ADAM12: variants seen among roughly 807,000 people sequenced by gnomAD.
ADAM12 encodes ADAM metallopeptidase domain 12.
Under a neutral mutation model 106.4 loss-of-function variants are expected in ADAM12, and 70 were observed. The ratio of observed to expected loss-of-function variants is 0.66; its 90% CI spans 0.54 to 0.80. ADAM12 has a LOEUF of 0.80. ADAM12 is among the 30% of genes least tolerant of loss of function. The pLI is 0.00. For missense variants in ADAM12, 1,010 were observed against 1,171.9 expected (o/e 0.86, Z 2.02); for synonymous variants, 420 against 433.5 (o/e 0.97, Z 0.39).
At chr10:126,333,625 G>A (rs1356838184) in intron 1 of ADAM12, among the ~76,000 whole-genome samples, 1 of 152,192 alleles carries the variant, frequency 6.6e-6, no homozygotes, top group Non-Finnish European at 1.5e-5. Context: ...TAATCAGGGT[G>A]AGGCTACAGA....
chr10:126,084,471 G>T (rs530734187), intron 11 of ADAM12, among the ~76,000 whole-genome samples: 1 of 152,286 alleles, frequency 6.6e-6, no homozygotes, highest in South Asian at 2.1e-4. Flanking sequence ...AGATGCAGTG[G>T]TTAATAATGG....
chr10:126,376,040 G>T (rs1164962338), intron 1 of ADAM12, among the ~76,000 whole-genome samples: 1 of 151,360 alleles, frequency 6.6e-6, no homozygotes, highest in Non-Finnish European at 1.5e-5. Context: ...GAGTCACTGG[G>T]CCTGGCTAAT....
chr10:126,117,950 G>T, intron 6 of ADAM12, 88 bp downstream of exon 6: 1 of 1,447,274 alleles, frequency 6.9e-7, no homozygotes, highest in Non-Finnish European at 9.6e-7. Flanking sequence ...CATCTAGATG[G>T]CAACATTTCT....
intron 3 of ADAM12, among the ~76,000 whole-genome samples, chr10:126,174,007 GA>G (rs1957170313): frequency 9.9e-6 from 1 of 100,542 alleles, no homozygotes. Flanking sequence ...ATCTGTTGTT[GA>G]TTTTTTTTTT....
chr10:126,249,134 T>C (rs894760348), intron 3 of ADAM12, among the ~76,000 whole-genome samples: 8 of 152,196 alleles, frequency 5.3e-5, no homozygotes, highest in African/African-American at 1.9e-4. Flanking sequence ...ACAGCTTATG[T>C]TTCTCCTAAG....
chr10:126,083,907 C>A (rs1955284992), intron 11 of ADAM12, among the ~76,000 whole-genome samples: 1 of 152,198 alleles, frequency 6.6e-6, no homozygotes, highest in Admixed American at 6.5e-5. Flanking sequence ...CACGTCCACT[C>A]CAGAAACAGA....
chr10:126,340,365 A>C (rs942693152), intron 1 of ADAM12, among the ~76,000 whole-genome samples: 2 of 152,226 alleles, frequency 1.3e-5, no homozygotes, highest in African/African-American at 4.8e-5. Flanking sequence ...CCCCATTCTA[A>C]TCTTTTATAA....
intron 1 of ADAM12, among the ~76,000 whole-genome samples, chr10:126,368,802 G>A (rs1481160359): frequency 6.8e-6 from 1 of 146,276 alleles, no homozygotes; most frequent in African/African-American, 2.5e-5. Flanking sequence ...AGGAAAAAAA[G>A]TAAACATATA....
intron 3 of ADAM12, among the ~76,000 whole-genome samples, chr10:126,206,854 T>TGAG (rs61139077): frequency 1.2e-5 from 1 of 81,828 alleles, no homozygotes; most frequent in Non-Finnish European, 2.6e-5. Flanking sequence ...CCATGTGTTG[T>TGAG]GGGGGCGGGG....
chr10:126,310,084 A>G (rs1961015761), intron 2 of ADAM12, among the ~76,000 whole-genome samples: 1 of 151,388 alleles, frequency 6.6e-6, no homozygotes. Flanking sequence ...GCTTGAACCC[A>G]GGAGGCGGAG....
At chr10:126,220,178 GA>G (rs1364680598) in intron 3 of ADAM12, among the ~76,000 whole-genome samples, 1 of 152,228 alleles carries the variant, frequency 6.6e-6, no homozygotes, top group East Asian at 1.9e-4. Flanking sequence ...GTGGCAATGT[GA>G]AACGTGACTA....
At position 126,098,372 on chromosome 10, in the gene ADAM12, G is replaced by A. The variant is rs758575204; in HGVS notation, c.996+44C>T. 2.0e-6 allele frequency: 3 copies of A among 1,503,160 alleles called. No homozygotes were observed. The East Asian group carries it at 6.8e-5, about 34-fold the overall frequency. 93.1% of individuals were successfully genotyped at this position (1,503,160 alleles called of 1,614,324 possible). A position where few individuals can be genotyped will look rare whatever the true frequency, so the allele number is the denominator to read the frequency against. ...CTGATAAAAGTAGTGACTTCCTGGGGAATCATTATCAAGGGGAACCAGCTC... is the reference window on the plus strand; with the variant it reads ...CTGATAAAAGTAGTGACTTCCTGGGAAATCATTATCAAGGGGAACCAGCTC... On this transcript the variant is annotated intron_variant, in intron 10 of 22. Transcript: ENST00000448723.
intron 3 of ADAM12, among the ~76,000 whole-genome samples, chr10:126,192,191 C>T (rs183664521): frequency 1.8e-4 from 27 of 152,334 alleles, no homozygotes; most frequent in African/African-American, 6.3e-4. Flanking sequence ...AGTTGCTTAA[C>T]TTCTCTGTGA....
intron 19 of ADAM12, 23 bp from the exon 20 acceptor site, chr10:126,038,372 C>G (rs1954096372): frequency 1.3e-6 from 2 of 1,529,784 alleles, no homozygotes; most frequent in Non-Finnish European, 8.8e-7. Flanking sequence ...CCCATACCTG[C>G]TGACCAAGCG....
At position 126,275,386 on chromosome 10, in the gene ADAM12, C is replaced by T. The variant is rs61071244; in HGVS notation, c.260+3529G>A. On this transcript the variant is annotated intron_variant, in intron 3 of 22. Transcript: ENST00000448723. ...ATGCTTCTCAGGGGCTATACAAATA[C>T]AGATTTTAAGTGAACAGCATCCAAT... Among the ~76,000 whole-genome samples the T allele has an allele frequency of 6.0e-3, 912 of 152,234 alleles. 12 individuals carry two copies. Among genetic ancestry groups the T allele is most frequent in the African/African-American group, 0.02 (834 of 41,540 alleles).
intron 1 of ADAM12, among the ~76,000 whole-genome samples, chr10:126,349,238 A>G (rs1319953875): frequency 6.6e-6 from 1 of 152,124 alleles, no homozygotes; most frequent in African/African-American, 2.4e-5. Flanking sequence ...CTGCAACCCA[A>G]CTGCTGGAAG....
intron 9 of ADAM12, among the ~76,000 whole-genome samples, chr10:126,100,266 C>G (rs959215611): frequency 3.3e-5 from 5 of 152,140 alleles, no homozygotes; most frequent in African/African-American, 1.2e-4. Flanking sequence ...ATTCTCTGAT[C>G]TAGAAAACCA....
intron 8 of ADAM12, among the ~76,000 whole-genome samples, chr10:126,102,337 G>C (rs183241900): frequency 5.3e-5 from 8 of 152,266 alleles, no homozygotes; most frequent in African/African-American, 1.9e-4. Flanking sequence ...AGGTAGCCAC[G>C]GAGAAAAGGG....
intron 3 of ADAM12, among the ~76,000 whole-genome samples, chr10:126,210,449 G>T (rs1957879016): frequency 6.6e-6 from 1 of 152,212 alleles, no homozygotes. Context: ...TCCAGGAGGA[G>T]GCAATGACCA....
Sources: gnomAD v4.1 joint callset for allele counts (sites outside exome capture counted in the v4.1 genomes callset) on GRCh38, gnomAD v4.1.1 for gene constraint, MANE v1.5 for transcripts, NCBI Gene and HGNC (gene_info 2026-07-23, HGNC 2026-07-21) for gene names.